The following COL22A1 variants were observed in gnomAD, a reference collection of about 807,000 sequenced individuals.
COL22A1 encodes the protein collagen type XXII alpha 1 chain.
Under a neutral mutation model 248.9 loss-of-function variants are expected in COL22A1, and 221 were observed. The observed-to-expected ratio is 0.89, with a 90% confidence interval of 0.80 to 0.99. The LOEUF (loss-of-function observed/expected upper bound fraction) is 0.99, where lower values mean the gene tolerates loss of function less well. COL22A1 is among the 50% of genes least tolerant of loss of function. The probability of loss-of-function intolerance (pLI) is 0.00; values close to 1 mark genes in which losing one functional copy is unlikely to be tolerated. For synonymous variants in COL22A1, 891 were observed against 793.4 expected (o/e 1.12, Z -2.07); for missense variants, 2,240 against 2,179.0 (o/e 1.03, Z -0.56).
intron 57 of COL22A1, among the ~76,000 whole-genome samples, chr8:138,607,352 C>T (rs2131859070): frequency 6.6e-6 from 1 of 152,226 alleles, no homozygotes; most frequent in Middle Eastern, 3.4e-3. Flanking sequence ...TTTTCTCATC[C>T]AACCCTAGAA....
intron 47 of COL22A1, 113 bp from the exon 48 acceptor site, chr8:138,636,908 C>A: frequency 1.1e-6 from 1 of 913,436 alleles, no homozygotes; most frequent in South Asian, 1.4e-5. Flanking sequence ...AATCTCTTAT[C>A]AAGTTCCTGT....
rs547366114 is a variant in COL22A1, at chr8:138,603,820, C to T, written c.4140+914G>A. 2.0e-5 allele frequency among the ~76,000 whole-genome samples: 3 copies of T among 152,222 alleles called. No homozygotes were observed. In the South Asian group the frequency reaches 6.2e-4, roughly 32 times the overall value. On this transcript the variant is annotated intron_variant, in intron 59 of 64. Transcript: ENST00000303045. Reference sequence around the variant, plus strand: ...ACCTCCCTGAAGTTAAGAACGTGACCCAAAGGCACAGGGTAAAAATGCGTC... The same window carrying T: ...ACCTCCCTGAAGTTAAGAACGTGACTCAAAGGCACAGGGTAAAAATGCGTC...
chr8:138,611,091 C>T lies in COL22A1; in HGVS notation c.3978+2776G>A, dbSNP rs150887542. ...AAAAAAAGAAGTCACTTCGCTTTCCCTCTTCTGTGCCTTTGAATGTGTTTG... is the reference window on the plus strand; with the variant it reads ...AAAAAAAGAAGTCACTTCGCTTTCCTTCTTCTGTGCCTTTGAATGTGTTTG... On this transcript the variant is annotated intron_variant, in intron 56 of 64. Transcript: ENST00000303045. Among the ~76,000 whole-genome samples, 13 of 152,278 alleles carry T rather than the reference C, an allele frequency of 8.5e-5. No homozygotes were observed. In the East Asian group the frequency reaches 2.3e-3, roughly 27 times the overall value.
intron 59 of COL22A1, among the ~76,000 whole-genome samples, 174 bp downstream of exon 59, chr8:138,604,560 G>A (rs62530040): frequency 0.11 from 16,352 of 152,154 alleles, 888 homozygotes; most frequent in South Asian, 0.19. Context: ...GTGGGGCTCC[G>A]GGCAAAATTA....
At chr8:138,630,645 G>C (rs767832350) in intron 50 of COL22A1, 50 bp downstream of exon 50, 17 of 1,553,152 alleles carry the variant, frequency 1.1e-5, no homozygotes, top group African/African-American at 1.4e-5. Context: ...TGGGGTTCCA[G>C]AAAGGCTAAA....
intron 3 of COL22A1, among the ~76,000 whole-genome samples, chr8:138,872,660 AG>A (rs1215409468): frequency 6.6e-6 from 1 of 152,242 alleles, no homozygotes; most frequent in African/African-American, 2.4e-5. Context: ...CACACACTGC[AG>A]GAAGCTGAGG....
At chr8:138,769,963 C>T in intron 16 of COL22A1, among the ~76,000 whole-genome samples, 1 of 152,178 alleles carries the variant, frequency 6.6e-6, no homozygotes, top group East Asian at 1.9e-4. Context: ...AAGCCCTGCA[C>T]TTGCTCTCAT....
intron 3 of COL22A1, among the ~76,000 whole-genome samples, chr8:138,862,469 C>T (rs1190785330): frequency 1.3e-5 from 2 of 152,100 alleles, no homozygotes; most frequent in Non-Finnish European, 2.9e-5. Context: ...ACCCGGAGTG[C>T]CCTTTGCCTG....
At chr8:138,740,644 G>A (rs761382626) in intron 22 of COL22A1, among the ~76,000 whole-genome samples, 13 of 152,290 alleles carry the variant, frequency 8.5e-5, no homozygotes, top group African/African-American at 2.2e-4. Context: ...TAGGAGGCGC[G>A]TGGTAGACAA....
rs146940482 is a variant in COL22A1 at position 138,651,122 on chromosome 8, C to T, written c.3334-1344G>A. On this transcript the variant is annotated intron_variant, in intron 45 of 64. Coordinates refer to ENST00000303045, the MANE Select transcript of COL22A1 (RefSeq NM_152888.3). Reference sequence around the variant, plus strand: ...GCCCACCTTCCTTTTACTTGTTTCACCTACTCAGTCTTTGGAGATTCTTTA... The same window carrying T: ...GCCCACCTTCCTTTTACTTGTTTCATCTACTCAGTCTTTGGAGATTCTTTA... Among the ~76,000 whole-genome samples, 151 of 152,260 alleles carry T rather than the reference C, an allele frequency of 9.9e-4. 1 individual carries two copies. In the South Asian group the frequency reaches 0.012, roughly 12 times the overall value.
chr8:138,747,877 G>C (rs1051445305), intron 22 of COL22A1, among the ~76,000 whole-genome samples: 1 of 152,136 alleles, frequency 6.6e-6, no homozygotes, highest in Non-Finnish European at 1.5e-5. Context: ...TTGGAAAAGG[G>C]AACACAAGAG....
intron 39 of COL22A1, 98 bp downstream of exon 39, chr8:138,684,327 T>C (rs1424934841): frequency 8.6e-6 from 7 of 809,882 alleles, no homozygotes; most frequent in South Asian, 1.3e-5. Context: ...AACATGGAAG[T>C]GGACTGAGGT....
chr8:138,618,990 G>T (rs1029294978), intron 53 of COL22A1, among the ~76,000 whole-genome samples: 3 of 151,966 alleles, frequency 2.0e-5, no homozygotes, highest in South Asian at 2.1e-4. Flanking sequence ...TTACTTCTTT[G>T]TTATAGAATT....
chr8:138,656,341 A>C (rs983875636), intron 44 of COL22A1, among the ~76,000 whole-genome samples: 3 of 152,254 alleles, frequency 2.0e-5, no homozygotes, highest in African/African-American at 7.2e-5. Context: ...AAAGAGCAAC[A>C]GCTGTTACTA....
chr8:138,643,696 T>C (rs957422382), intron 47 of COL22A1, among the ~76,000 whole-genome samples: 1 of 147,540 alleles, frequency 6.8e-6, no homozygotes, highest in Non-Finnish European at 1.5e-5. Flanking sequence ...TATTATTTTA[T>C]ATATATTTTA....
intron 21 of COL22A1, among the ~76,000 whole-genome samples, chr8:138,753,194 T>C (rs529739079): frequency 1.3e-5 from 2 of 152,354 alleles, no homozygotes; most frequent in South Asian, 4.1e-4. Context: ...AGGTTCACTT[T>C]ACTGGCCCTC....
intron 47 of COL22A1, among the ~76,000 whole-genome samples, chr8:138,643,948 AT>A (rs1459975228): frequency 6.6e-6 from 1 of 151,988 alleles, no homozygotes; most frequent in Non-Finnish European, 1.5e-5. Context: ...TCCCTGGATA[AT>A]TTTTGTATTT....
chr8:138,882,261 C>T (rs1824267655), intron 2 of COL22A1, among the ~76,000 whole-genome samples: 1 of 152,032 alleles, frequency 6.6e-6, no homozygotes, highest in African/African-American at 2.4e-5. Flanking sequence ...CGCAGGAACA[C>T]ACACTCATCC....
chr8:138,724,079 C>A (rs1420015664), intron 25 of COL22A1, among the ~76,000 whole-genome samples: 2 of 152,198 alleles, frequency 1.3e-5, no homozygotes, highest in East Asian at 3.9e-4. Context: ...CAGCCCACGT[C>A]ATCCATCATC....
Sources: allele counts gnomAD v4.1 joint callset (sites outside exome capture counted in the v4.1 genomes callset), GRCh38; gene constraint gnomAD v4.1.1; transcripts MANE v1.5; gene names NCBI Gene and HGNC (gene_info 2026-07-23, HGNC 2026-07-21).